ACTR3C: variants seen among roughly 807,000 people sequenced by gnomAD.
ACTR3C encodes the protein actin related protein 3C, also known as actin-related protein 3C.
Under a neutral mutation model 26.3 loss-of-function variants are expected in ACTR3C, and 18 were observed. That is an observed-to-expected ratio of 0.68 (90% CI 0.47 to 1.01). The LOEUF is 1.01. ACTR3C is among the 50% of genes least tolerant of loss of function. The pLI, the probability that ACTR3C is intolerant of heterozygous loss-of-function variation, is 0.00. For synonymous variants in ACTR3C, 55 were observed against 94.5 expected (o/e 0.58, Z 2.42); for missense variants, 184 against 250.7 (o/e 0.73, Z 1.80).
At chr7:150,085,948 C>T in the ACTR3C span, among the ~76,000 whole-genome samples, 2 of 151,590 alleles carry the variant, frequency 1.3e-5, no homozygotes, top group Non-Finnish European at 1.5e-5. Flanking sequence ...AGCAGAGTAG[C>T]TAGCCCATGA....
the ACTR3C span, among the ~76,000 whole-genome samples, chr7:149,989,706 A>G: frequency 1.7e-4 from 26 of 152,224 alleles, no homozygotes; most frequent in African/African-American, 6.3e-4. Context: ...ATGTTTCCAT[A>G]TCCTGGCCAT....
chr7:150,050,065 C>T, the ACTR3C span, among the ~76,000 whole-genome samples: 1 of 152,008 alleles, frequency 6.6e-6, no homozygotes, highest in Non-Finnish European at 1.5e-5. Flanking sequence ...AAACCTTGCT[C>T]TCAACCCCCT....
At chr7:150,276,255 C>CT (rs1563169942) in intron 6 of ACTR3C, among the ~76,000 whole-genome samples, 10 of 151,596 alleles carry the variant, frequency 6.6e-5, no homozygotes, top group Admixed American at 3.3e-4. Flanking sequence ...CTAAGAGGCT[C>CT]TCTTAACTCC....
the ACTR3C span, among the ~76,000 whole-genome samples, chr7:150,181,423 G>C: frequency 1.1e-4 from 17 of 150,400 alleles, 1 homozygote; most frequent in South Asian, 6.2e-4. Context: ...TCTCTAAAAA[G>C]GGAAAAAGGA....
chr7:150,142,506 T>G, the ACTR3C span, among the ~76,000 whole-genome samples: 4 of 152,296 alleles, frequency 2.6e-5, no homozygotes, highest in East Asian at 7.7e-4. Context: ...CCATTGTCTA[T>G]TTTGTGGTCT....
the ACTR3C span, among the ~76,000 whole-genome samples, chr7:150,226,613 T>C: frequency 6.6e-6 from 1 of 152,140 alleles, no homozygotes; most frequent in Admixed American, 6.5e-5. Flanking sequence ...ATTTTTTGTA[T>C]TTTTAGTAGA....
At chr7:150,229,976 G>C in the ACTR3C span, among the ~76,000 whole-genome samples, 6 of 151,258 alleles carry the variant, frequency 4.0e-5, no homozygotes, top group African/African-American at 1.5e-4. Context: ...TATAATCCCA[G>C]CACTTTGGGA....
At chr7:149,918,035 C>G in the ACTR3C span, among the ~76,000 whole-genome samples, 1 of 152,082 alleles carries the variant, frequency 6.6e-6, no homozygotes, top group South Asian at 2.1e-4. Context: ...TTTTAATGTT[C>G]CTTGGCTTGC....
chr7:150,243,409 A>G (rs1048782697), downstream of ACTR3C, among the ~76,000 whole-genome samples: 1 of 152,084 alleles, frequency 6.6e-6, no homozygotes, highest in Non-Finnish European at 1.5e-5. Context: ...AGAGTAATCT[A>G]GTGTATAGTT....
the ACTR3C span, among the ~76,000 whole-genome samples, chr7:149,906,408 GTTTCTTTTTTTTTTTTTTTT>G: frequency 2.2e-5 from 2 of 90,706 alleles, no homozygotes; most frequent in Non-Finnish European, 2.1e-5. Flanking sequence ...TGTGGGGTTT[GTTTCTTTTTTTTTTTTTTTT>G]TTTTTTTTTT....
chr7:150,310,632 C>T (rs182918785), intron 1 of ACTR3C, among the ~76,000 whole-genome samples: 25 of 152,198 alleles, frequency 1.6e-4, no homozygotes, highest in African/African-American at 4.6e-4. Context: ...TTGCATCCCT[C>T]CTCCCAACCT....
the ACTR3C span, among the ~76,000 whole-genome samples, chr7:150,180,012 G>T: frequency 6.6e-6 from 1 of 150,762 alleles, no homozygotes; most frequent in Non-Finnish European, 1.5e-5. Flanking sequence ...TCTTAAAATG[G>T]AAATCTTCCG....
chr7:150,195,100 CATATATGTATATATAT>C, the ACTR3C span, among the ~76,000 whole-genome samples: 122 of 137,926 alleles, frequency 8.8e-4, no homozygotes, highest in Middle Eastern at 3.8e-3. Context: ...TTTCAAAATA[CATATATGTATATATAT>C]ATATATGTAT....
chr7:149,924,949 T>C, the ACTR3C span, among the ~76,000 whole-genome samples: 1 of 152,148 alleles, frequency 6.6e-6, no homozygotes, highest in Non-Finnish European at 1.5e-5. Context: ...TTTTTATATC[T>C]GAAAATCCCT....
At chr7:150,005,236 G>A in the ACTR3C span, 1 of 152,150 alleles carries the variant, frequency 6.6e-6, no homozygotes, top group East Asian at 1.9e-4. Flanking sequence ...AGGTGGGAGA[G>A]CAGGTAGGCA....
At chr7:150,292,203 A>T (rs1836324680) in intron 3 of ACTR3C, among the ~76,000 whole-genome samples, 1 of 151,938 alleles carries the variant, frequency 6.6e-6, no homozygotes, top group Admixed American at 6.5e-5. Context: ...ATATGCAGAA[A>T]CATTATCTGT....
chr7:150,203,044 C>T, the ACTR3C span, among the ~76,000 whole-genome samples: 2 of 152,322 alleles, frequency 1.3e-5, no homozygotes, highest in South Asian at 2.1e-4. Flanking sequence ...TTATTTAGTA[C>T]GTTACATATG....
chr7:150,143,796 AT>A, the ACTR3C span, among the ~76,000 whole-genome samples: 26 of 152,320 alleles, frequency 1.7e-4, no homozygotes, highest in African/African-American at 6.3e-4. Context: ...CCGACTCTTC[AT>A]CCCCCCGCTT....
chr7:150,311,792 T>C (rs958126693), intron 1 of ACTR3C, among the ~76,000 whole-genome samples: 30 of 152,240 alleles, frequency 2.0e-4, no homozygotes, highest in Admixed American at 5.2e-4. Context: ...TCAAGGCTGC[T>C]GCACTTCCTC....
Sources: allele counts gnomAD v4.1 joint callset (sites outside exome capture counted in the v4.1 genomes callset), GRCh38; gene constraint gnomAD v4.1.1; transcripts MANE v1.5; gene names NCBI Gene and HGNC (gene_info 2026-07-23, HGNC 2026-07-21).